Variants in FRS2 observed in about 807,000 individuals in gnomAD.
The protein encoded by FRS2 is fibroblast growth factor receptor substrate 2.
FRS2 carries 8 observed loss-of-function variants against 43.9 expected under a neutral mutation model. The observed-to-expected ratio is 0.18, with a 90% CI of 0.11 to 0.33. The LOEUF is 0.33. Among genes scored for constraint, FRS2 ranks in the 10% least tolerant of loss-of-function variants. The probability of loss-of-function intolerance (pLI) is 1.00; values close to 1 mark genes in which losing one functional copy is unlikely to be tolerated. For missense variants in FRS2, 534 were observed against 627.6 expected, an observed-to-expected ratio of 0.85 and a Z score of 1.59; for synonymous variants, 219 against 220.3, an observed-to-expected ratio of 0.99 and a Z score of 0.05.
At chr12:69,475,887 T>C (rs1474616107) in intron 1 of FRS2, among the ~76,000 whole-genome samples, 1 of 152,204 alleles carries the variant, frequency 6.6e-6, no homozygotes, top group East Asian at 1.9e-4. Context: ...TCTATTGATA[T>C]GTTTTTCTAA....
intron 1 of FRS2, among the ~76,000 whole-genome samples, chr12:69,502,179 T>C (rs1449876810): frequency 6.6e-6 from 1 of 152,142 alleles, no homozygotes; most frequent in East Asian, 1.9e-4. Context: ...TTGGCCAGGC[T>C]GGTCTTGAAC....
intron 1 of FRS2, among the ~76,000 whole-genome samples, chr12:69,515,239 A>C (rs549788716): frequency 6.6e-5 from 10 of 152,348 alleles, no homozygotes; most frequent in African/African-American, 2.4e-4. Flanking sequence ...TCTGTAAATG[A>C]ATCTGTTAGA....
rs760735272 is a variant in FRS2 at position 69,571,334 on chromosome 12, T to C, written c.312T>C (p.Ile104=). 4 of 1,607,066 alleles carry C rather than the reference T, an allele frequency of 2.5e-6. No individual in the cohort carries two copies. The South Asian group carries it at 3.3e-5, about 13-fold the overall frequency. The change falls in exon 7 of 9, where the codon ATT becomes ATC. Residue 104 remains isoleucine, a synonymous_variant. Transcript: ENST00000549921. ...AATTATTTAACATGTTGCAAGAGAT[T>C]ATGCAAAATAATAGTATAAATGTGG... ...AEELFNMLQE[I]MQNNSINVVE...
intron 1 of FRS2, among the ~76,000 whole-genome samples, chr12:69,513,108 A>T (rs1388703448): frequency 6.7e-6 from 1 of 148,734 alleles, no homozygotes. Context: ...AAATTCTGTG[A>T]CTTCTCCTCC....
At chr12:69,527,343 ATTTTTTTTTTTTT>A (rs1166365306) in intron 1 of FRS2, among the ~76,000 whole-genome samples, 1 of 84,216 alleles carries the variant, frequency 1.2e-5, no homozygotes, top group Admixed American at 1.7e-4. Context: ...TTTTTTAATG[ATTTTTTTTTTTTT>A]TTTTTTTTAA....
chr12:69,520,473 C>T (rs780603277), intron 1 of FRS2, among the ~76,000 whole-genome samples: 4 of 143,778 alleles, frequency 2.8e-5, no homozygotes, highest in Non-Finnish European at 6.0e-5. Context: ...TTGGCATCTT[C>T]GTCATGAAAT....
At position 69,574,195 on chromosome 12, in the gene FRS2, C is replaced by G; in HGVS notation, c.767C>G (p.Thr256Ser). 1 of 1,614,088 alleles carries G rather than the reference C, an allele frequency of 6.2e-7. No individual in the cohort carries two copies. The highest frequency in any genetic ancestry group is 1.1e-5 in the South Asian group (1 of 91,082). ...PEGVKFVLGPTPVQKQLMEKE... is the reference protein window; with the variant it reads ...PEGVKFVLGPSPVQKQLMEKE... ...GGAGTCAAATTTGTTTTAGGGCCAA[C>G]CCCTGTTCAAAAGCAGTTAATGGAA... The change falls in exon 9 of 9, where the codon ACC becomes AGC. Residue 256 changes from threonine to serine, a missense_variant. Coordinates refer to ENST00000549921, the MANE Select transcript of FRS2 (RefSeq NM_001278356.2).
At chr12:69,485,191 A>G (rs1871798224) in intron 1 of FRS2, among the ~76,000 whole-genome samples, 1 of 150,374 alleles carries the variant, frequency 6.7e-6, no homozygotes, top group African/African-American at 2.5e-5. Flanking sequence ...TTATTTATTT[A>G]TTTATTTTTG....
intron 1 of FRS2, among the ~76,000 whole-genome samples, chr12:69,482,957 T>G (rs568952105): frequency 4.9e-4 from 75 of 152,326 alleles, no homozygotes; most frequent in Non-Finnish European, 8.8e-4. Flanking sequence ...ACAGGGCTCA[T>G]TTTACATTCC....
intron 2 of FRS2, 68 bp downstream of exon 2, chr12:69,531,028 A>T (rs1304517403): frequency 6.7e-6 from 1 of 149,556 alleles, no homozygotes; most frequent in Admixed American, 6.7e-5. Context: ...AAATCATTTA[A>T]TTAAAAAATA....
At chr12:69,536,752 A>G (rs1877358871) in intron 3 of FRS2, among the ~76,000 whole-genome samples, 1 of 151,582 alleles carries the variant, frequency 6.6e-6, no homozygotes, top group Admixed American at 6.6e-5. Flanking sequence ...TTAATTTTTT[A>G]GAGATGTTAT....
intron 3 of FRS2, among the ~76,000 whole-genome samples, chr12:69,545,767 AAAAAAAAAAAAC>A (rs1230396358): frequency 6.6e-6 from 1 of 150,444 alleles, no homozygotes; most frequent in African/African-American, 2.4e-5. Context: ...AAAAAAAAAA[AAAAAAAAAAAAC>A]AAAAACAAAA....
At chr12:69,475,825 A>G (rs1436616985) in intron 1 of FRS2, among the ~76,000 whole-genome samples, 1 of 152,168 alleles carries the variant, frequency 6.6e-6, no homozygotes, top group Non-Finnish European at 1.5e-5. Context: ...AGTTCATGAC[A>G]GAGTTTTCCT....
chr12:69,556,375 A>G (rs1487975254), intron 3 of FRS2, among the ~76,000 whole-genome samples: 1 of 150,658 alleles, frequency 6.6e-6, no homozygotes, highest in East Asian at 2.0e-4. Flanking sequence ...CTCTGTTACC[A>G]AGCCTGGAGT....
chr12:69,472,687 T>TACATA lies in FRS2; in HGVS notation c.-261+2157_-261+2158insACATA, dbSNP rs1372866176. Among the ~76,000 whole-genome samples the TACATA allele has an allele frequency of 1.7e-4, 26 of 152,388 alleles. No homozygotes were observed. In the East Asian group the frequency reaches 5.0e-3, roughly 29 times the overall value. The stretch of plus-strand genomic sequence containing the variant: ...TTGCTATGCATGTTATGCTATGTTA[T>TACATA]GCATAGCATGCTATTTGCTATGCTA... On this transcript the variant is annotated intron_variant, in intron 1 of 8. Transcript: ENST00000549921.
rs889219622 is a variant in FRS2, at chr12:69,470,549, G to A, written c.-261+19G>A. ...GCGGACGGTGAGTGGCTAGGGAAAC[G>A]GACTGGGACGGCCGCGGGCCCGCGT... On this transcript the variant is annotated intron_variant, in intron 1 of 8. Coordinates refer to ENST00000549921, the MANE Select transcript of FRS2 (RefSeq NM_001278356.2). 3.5e-5 allele frequency: 14 copies of A among 398,306 alleles called. No homozygotes were observed. The highest frequency in any genetic ancestry group is 8.9e-6 in the Non-Finnish European group (2 of 225,932). 24.7% of individuals were successfully genotyped at this position (398,306 alleles called of 1,614,324 possible).
At chr12:69,570,252 A>G in intron 5 of FRS2, 79 bp from the exon 6 acceptor site, 1 of 1,056,444 alleles carries the variant, frequency 9.5e-7, no homozygotes, top group East Asian at 2.4e-5. Flanking sequence ...CTAACAAATT[A>G]CAAATAACTA....
chr12:69,562,086 T>C (rs909946639), intron 3 of FRS2, 94 bp from the exon 4 acceptor site: 1 of 393,844 alleles, frequency 2.5e-6, no homozygotes, highest in African/African-American at 2.1e-5. Flanking sequence ...TTTGTTTAAA[T>C]AGATTAACTG....
chr12:69,501,836 C>A (rs1318728088), intron 1 of FRS2, among the ~76,000 whole-genome samples: 1 of 152,176 alleles, frequency 6.6e-6, no homozygotes, highest in Non-Finnish European at 1.5e-5. Context: ...TATTAAAACA[C>A]CATTCTATTG....
Sources: allele counts gnomAD v4.1 joint callset (sites outside exome capture counted in the v4.1 genomes callset), GRCh38; gene constraint gnomAD v4.1.1; transcripts MANE v1.5; gene names NCBI Gene and HGNC (gene_info 2026-07-23, HGNC 2026-07-21).